The following JAG2 variants were observed in gnomAD, a reference collection of about 807,000 sequenced individuals.
JAG2 encodes the protein jagged canonical Notch ligand 2.
JAG2 carries 46 observed loss-of-function variants against 141.7 expected under a neutral mutation model. The ratio of observed to expected loss-of-function variants is 0.32; its 90% CI spans 0.26 to 0.42. JAG2 has a LOEUF of 0.42. Ranked by LOEUF, JAG2 falls within the 10% of genes least tolerant of loss-of-function variation. The probability of loss-of-function intolerance (pLI) is 1.00; values close to 1 mark genes in which losing one functional copy is unlikely to be tolerated. For synonymous variants in JAG2, 862 were observed against 763.5 expected (o/e 1.13, Z -2.13); for missense variants, 1,500 against 1,817.5 (o/e 0.83, Z 3.18).
rs1888227777 is a variant in JAG2, at chr14:105,146,483, A to T, written c.2611T>A (p.Ser871Thr). ...RCQEVIGFGR[S>T]CWSRGTPFPH... Reference sequence around the variant, plus strand: ...AACGGAGTGCCCCGGGACCAGCAGGATCTCCCGAACCCGATCACTGTGGGG... The same window carrying T: ...AACGGAGTGCCCCGGGACCAGCAGGTTCTCCCGAACCCGATCACTGTGGGG... The change falls in exon 22 of 26, where the codon TCC (serine) becomes ACC (threonine). Residue 871 changes from serine (S) to threonine (T), a missense_variant. Around this residue, in one of 3 missense-constraint regions of JAG2, gnomAD observed 875 missense variants for 1,202.2 expected, o/e 0.73. Coordinates refer to ENST00000331782, the MANE Select transcript of JAG2 (RefSeq NM_002226.5). The T allele has an allele frequency of 6.2e-7, 1 of 1,612,692 alleles. No individual in the cohort carries two copies. The highest frequency in any genetic ancestry group is 1.1e-5 in the South Asian group (1 of 91,082).
rs1345414703 is a variant in JAG2, at chr14:105,154,289, A to C, written c.788+1273T>G. On this transcript the variant is annotated intron_variant, in intron 5 of 25. Coordinates refer to ENST00000331782, the MANE Select transcript of JAG2 (RefSeq NM_002226.5). The surrounding 1 kb of genome is among the most constrained non-coding windows in gnomAD (Gnocchi z 4.4). Reference sequence around the variant, plus strand: ...CCACTCCACAGAGGGAGGTCCTGGGACCCCTGCAATCCAAGGCTGGCTGGA... The same window carrying C: ...CCACTCCACAGAGGGAGGTCCTGGGCCCCCTGCAATCCAAGGCTGGCTGGA... Among the ~76,000 whole-genome samples, 3 of 152,008 alleles carry C rather than the reference A, an allele frequency of 2.0e-5. No homozygotes were observed. Among genetic ancestry groups the C allele is most frequent in the African/African-American group, 7.3e-5 (3 of 41,362 alleles).
rs777565206 is a variant in JAG2, at chr14:105,155,824, C to T, written c.641G>A (p.Arg214His). ...SATCNKFCRP[R>H]NDFFGHYTCD... ...GGTGTAGTGGCCGAAAAAGTCGTTG[C>T]GGGGCCGGCAGAACTTGTTGCAAGT... The change falls in exon 4 of 26, where the codon CGC becomes CAC. Residue 214 changes from arginine (R) to histidine (H), a missense_variant. Arg to His is a conservative substitution (Grantham distance 29). Around this residue, in one of 3 missense-constraint regions of JAG2, gnomAD observed 875 missense variants for 1,202.2 expected, o/e 0.73. Transcript: ENST00000331782. 4.3e-6 allele frequency: 7 copies of T among 1,612,598 alleles called. No individual in the cohort carries two copies. The highest frequency in any genetic ancestry group is 2.2e-5 in the East Asian group (1 of 44,874).
chr14:105,162,063 G>A (rs1416922982), intron 2 of JAG2, among the ~76,000 whole-genome samples: 2 of 152,154 alleles, frequency 1.3e-5, no homozygotes, highest in Non-Finnish European at 2.9e-5. Context: ...TGGGCCTGGC[G>A]CTGGCAGGGG....
chr14:105,147,419 G>A lies in JAG2; in HGVS notation c.2394-8C>T. The A allele has an allele frequency of 6.2e-7, 1 of 1,610,792 alleles. No individual in the cohort carries two copies. The highest frequency in any genetic ancestry group is 8.5e-7 in the Non-Finnish European group (1 of 1,179,032). ...CAGATGCCACCATTGTAGCTGCAGAGCAGAGGGTGGGCATCAGGTGGCCCC... is the reference window on the plus strand; with the variant it reads ...CAGATGCCACCATTGTAGCTGCAGAACAGAGGGTGGGCATCAGGTGGCCCC... On this transcript the variant is annotated splice_polypyrimidine_tract_variant and splice_region_variant and intron_variant, in intron 19 of 25. Coordinates refer to ENST00000331782, the MANE Select transcript of JAG2 (RefSeq NM_002226.5).
In JAG2 at chr14:105,150,613, A is replaced by G. The variant is rs1595178144; in HGVS notation, c.1593T>C (p.Pro531=). ...HCHCPQGFSG[P]LCEVDVDLCE... is the part of the protein sequence containing the mutation. ...ACCAGGCAGACCTCACCTCACAGAGAGGCCCGGAGAAGCCCTGGGGGCAGT... is the reference window on the plus strand; with the variant it reads ...ACCAGGCAGACCTCACCTCACAGAGGGGCCCGGAGAAGCCCTGGGGGCAGT... The change falls in exon 12 of 26, where the codon CCT becomes CCC. Residue 531 remains proline, a synonymous_variant. Coordinates refer to ENST00000331782, the MANE Select transcript of JAG2 (RefSeq NM_002226.5). 1 of 1,548,314 alleles carries G rather than the reference A, an allele frequency of 6.5e-7. No homozygotes were observed. The highest frequency in any genetic ancestry group is 2.4e-5 in the East Asian group (1 of 40,868).
In JAG2 at chr14:105,167,678, T is replaced by A; in HGVS notation, c.417+79A>T. ...TCGCACGCAGACCCGGCCGCAGGTG[T>A]TGGGGGTCGCGAAGCGCGCGGGGCC... On this transcript the variant is annotated intron_variant, in intron 2 of 25. Coordinates refer to ENST00000331782, the MANE Select transcript of JAG2 (RefSeq NM_002226.5). The surrounding 1 kb of genome is among the most constrained non-coding windows in gnomAD (Gnocchi z 4.8). 4.7e-6 allele frequency: 6 copies of A among 1,289,022 alleles called. No individual in the cohort carries two copies. Among genetic ancestry groups the A allele is most frequent in the South Asian group, 2.1e-5 (1 of 46,948 alleles). The allele number at this position is 1,289,022 out of a possible 1,614,324, so 79.8% of individuals were successfully genotyped here. A position where few individuals can be genotyped will look rare whatever the true frequency, so the allele number is the denominator to read the frequency against.
intron 3 of JAG2, among the ~76,000 whole-genome samples, chr14:105,156,943 C>T (rs587716103): frequency 6.6e-6 from 1 of 152,258 alleles, no homozygotes; most frequent in African/African-American, 2.4e-5. Context: ...CTGAAAACAG[C>T]CCCTCCACTC....
At position 105,168,350 on chromosome 14, in the gene JAG2, C is replaced by T; in HGVS notation, c.66+5G>A. ...GACCCCCGCCGCCCCCGCCGCCCCGCTCACCTGCACCCAGAGCGCCAGCAG... is the reference window on the plus strand; with the variant it reads ...GACCCCCGCCGCCCCCGCCGCCCCGTTCACCTGCACCCAGAGCGCCAGCAG... On this transcript the variant is annotated splice_donor_5th_base_variant and intron_variant, in intron 1 of 25. Transcript: ENST00000331782. The T allele has an allele frequency of 1.0e-6, 1 of 961,376 alleles. No individual in the cohort carries two copies. The highest frequency in any genetic ancestry group is 1.3e-6 in the Non-Finnish European group (1 of 782,102). The allele number at this position is 961,376 out of a possible 1,614,324, so 59.6% of individuals were successfully genotyped here.
chr14:105,162,664 G>C (rs1566770108), intron 2 of JAG2, among the ~76,000 whole-genome samples: 2 of 144,790 alleles, frequency 1.4e-5, no homozygotes, highest in Non-Finnish European at 3.0e-5. Context: ...GCACCTTAAA[G>C]CCCAGGACAC....
rs61750260 is a variant in JAG2, at chr14:105,142,824, G to A, written c.3588C>T (p.Phe1196=). 6.5e-3 allele frequency: 10,502 copies of A among 1,610,692 alleles called. 555 individuals are homozygous for A. In the African/African-American group the frequency reaches 0.11, roughly 17 times the overall value. ...GEEDSLEAEK[F]LSHKFTKDPG... ...GATCTTTGGTGAATTTGTGTGAGAG[G>A]AACTTCTCCGCCTCCAGGGAGTCCT... Residue 1196 remains phenylalanine (F), a synonymous_variant, in exon 26 of 26, where the codon TTC becomes TTT. Transcript: ENST00000331782.
intron 17 of JAG2, 77 bp downstream of exon 17, chr14:105,148,039 C>G: frequency 7.8e-7 from 1 of 1,283,852 alleles, no homozygotes; most frequent in Non-Finnish European, 1.1e-6. Flanking sequence ...AAAGACCCCT[C>G]GGCCCATCGC....
intron 15 of JAG2, 87 bp downstream of exon 15, chr14:105,148,658 G>C: frequency 8.1e-7 from 1 of 1,232,024 alleles, no homozygotes; most frequent in South Asian, 1.3e-5. Context: ...GGGGCCTGCC[G>C]CACCCAGACA....
At chr14:105,165,992 G>A (rs992365599) in intron 2 of JAG2, among the ~76,000 whole-genome samples, 1 of 152,154 alleles carries the variant, frequency 6.6e-6, no homozygotes, top group Admixed American at 6.5e-5. Flanking sequence ...CACAGCTCCC[G>A]CCCGGCAGCC....
Position 105,152,070 on chromosome 14 carries a change from G to A in JAG2, c.920-13C>T, listed in dbSNP as rs777163759. 6 of 1,613,062 alleles carry A rather than the reference G, an allele frequency of 3.7e-6. No individual in the cohort carries two copies. The Admixed American group carries it at 1.0e-4, about 27-fold the overall frequency. On this transcript the variant is annotated splice_polypyrimidine_tract_variant and intron_variant, in intron 6 of 25. Transcript: ENST00000331782. Reference sequence around the variant, plus strand: ...CAGTAGTTCAGGTCTGGGGGCAGGGGTGGGATGCTCAGGGGAAAAGCCGGC... The same window carrying A: ...CAGTAGTTCAGGTCTGGGGGCAGGGATGGGATGCTCAGGGGAAAAGCCGGC...
Position 105,148,369 on chromosome 14 carries a change from G to A in JAG2, c.2091C>T (p.Tyr697=). 9 of 1,612,242 alleles carry A rather than the reference G, an allele frequency of 5.6e-6. No individual in the cohort carries two copies. The highest frequency in any genetic ancestry group is 7.6e-6 in the Non-Finnish European group (9 of 1,179,572). ...GRCYDLVNDF[Y]CACDDGWKGK... ...CCTTCCAGCCGTCGTCGCACGCACA[G>A]TAGAAGTCATTGACCAGGTCGTAGC... The change falls in exon 16 of 26, where the codon TAC becomes TAT. Residue 697 remains tyrosine, a synonymous_variant. Coordinates refer to ENST00000331782, the MANE Select transcript of JAG2 (RefSeq NM_002226.5).
In JAG2 at chr14:105,142,998, A is replaced by G. The variant is rs10149229; in HGVS notation, c.3414T>C (p.Ile1138=). ...WAPLNPIRNP[I]ERPGGHKDVL... ...CGTCCTTGTGGCCCCCCGGCCGCTC[A>G]ATGGGGTTGCGGATGGGGTTGAGCG... The change falls in exon 26 of 26, where the codon ATT becomes ATC. Residue 1138 remains isoleucine, a synonymous_variant. Transcript: ENST00000331782. 1,063,822 of 1,607,916 alleles carry G rather than the reference A, an allele frequency of 0.66. 354,358 individuals are homozygous for G. Among genetic ancestry groups the G allele is most frequent in the African/African-American group, 0.85 (64,027 of 75,012 alleles).
chr14:105,154,721 G>A lies in JAG2; in HGVS notation c.788+841C>T, dbSNP rs587657935. On this transcript the variant is annotated intron_variant, in intron 5 of 25. Coordinates refer to ENST00000331782, the MANE Select transcript of JAG2 (RefSeq NM_002226.5). This position sits in a 1 kb window ranked among gnomAD's most constrained non-coding sequence, Gnocchi z 4.4. Reference sequence around the variant, plus strand: ...CCACCCCCCACAGGCCCCGCGTGGCGCAGGCCAGGCCTCTCCCACGAGCTT... The same window carrying A: ...CCACCCCCCACAGGCCCCGCGTGGCACAGGCCAGGCCTCTCCCACGAGCTT... 4.6e-5 allele frequency among the ~76,000 whole-genome samples: 7 copies of A among 151,450 alleles called. No homozygotes were observed. Among genetic ancestry groups the A allele is most frequent in the South Asian group, 4.2e-4 (2 of 4,762 alleles).
chr14:105,145,984 ACGCACAGGAGGGTCAGGCGCAGG>A lies in JAG2; in HGVS notation c.2710-34_2710-12del, dbSNP rs750828978. ...CCATCCGCACCACACCTGGGCAGGC[ACGCACAGGAGGGTCAGGCGCAGG>A]CGCACAGGAGGGTCAGATGCAGGCA... On this transcript the variant is annotated splice_polypyrimidine_tract_variant and intron_variant, in intron 22 of 25. Coordinates refer to ENST00000331782, the MANE Select transcript of JAG2 (RefSeq NM_002226.5). 77 of 1,593,000 alleles carry A rather than the reference ACGCACAGGAGGGTCAGGCGCAGG, an allele frequency of 4.8e-5. No homozygotes were observed. Among genetic ancestry groups the A allele is most frequent in the Middle Eastern group, 1.7e-4 (1 of 5,992 alleles).
In JAG2 at chr14:105,147,422, G is replaced by A. The variant is rs779472699; in HGVS notation, c.2394-11C>T. On this transcript the variant is annotated splice_polypyrimidine_tract_variant and intron_variant, in intron 19 of 25. Transcript: ENST00000331782. ...ATGCCACCATTGTAGCTGCAGAGCA[G>A]AGGGTGGGCATCAGGTGGCCCCCCG... 1.2e-5 allele frequency: 19 copies of A among 1,610,952 alleles called. 1 individual carries two copies. The South Asian group carries it at 2.1e-4, about 18-fold the overall frequency.
Sources: gnomAD v4.1 joint callset for allele counts (sites outside exome capture counted in the v4.1 genomes callset) on GRCh38, gnomAD v4.1.1 for gene constraint, gnomAD v4.1.1 regional missense constraint, Gnocchi (gnomAD v3.1) non-coding constraint, MANE v1.5 for transcripts, NCBI Gene and HGNC (gene_info 2026-07-23, HGNC 2026-07-21) for gene names.